Variants in NAA15 observed in about 807,000 individuals in gnomAD.
NAA15 encodes N-alpha-acetyltransferase 15, NatA auxiliary subunit.
Under a neutral mutation model 114.0 loss-of-function variants are expected in NAA15, and 34 were observed. The ratio of observed to expected loss-of-function variants is 0.30; its 90% confidence interval spans 0.23 to 0.40. NAA15 has a LOEUF of 0.40. Ranked by LOEUF, NAA15 falls within the 10% of genes least tolerant of loss-of-function variation. The pLI is 1.00. For missense variants in NAA15, 658 were observed against 1,004.5 expected (o/e 0.66, Z 4.66); for synonymous variants, 340 against 338.0 (o/e 1.01, Z -0.06).
At position 139,341,001 on chromosome 4, in the gene NAA15, G is replaced by A. The variant is rs889543097; in HGVS notation, c.334G>A (p.Asp112Asn). The change falls in exon 4 of 20, where the codon GAC becomes AAC. Residue 112 changes from aspartate (D) to asparagine (N), a missense_variant. Asp to Asn is a conservative substitution (Grantham distance 23). Coordinates refer to ENST00000296543, the MANE Select transcript of NAA15 (RefSeq NM_057175.5). ...CAGAAATGCACTAAAATGGGATAAA[G>A]ACAATCTTCAAATCTTAAGGGACCT... is the stretch of plus-strand genomic sequence containing the variant. ...CYRNALKWDK[D>N]NLQILRDLSL... 6.2e-7 allele frequency: 1 copy of A among 1,610,700 alleles called. No individual in the cohort carries two copies. The highest frequency in any genetic ancestry group is 8.5e-7 in the Non-Finnish European group (1 of 1,178,636).
chr4:139,338,210 G>T (rs1433394045), intron 3 of NAA15, among the ~76,000 whole-genome samples: 41 of 152,084 alleles, frequency 2.7e-4, no homozygotes, highest in Admixed American at 2.7e-3. Flanking sequence ...GGGAGGGAGT[G>T]GAAAGATAGG....
At chr4:139,302,989 T>C (rs1039026455) in intron 1 of NAA15, among the ~76,000 whole-genome samples, 6 of 152,322 alleles carry the variant, frequency 3.9e-5, no homozygotes, top group Admixed American at 1.3e-4. Flanking sequence ...GTTAGCCTTT[T>C]CCCCCGCAGT....
Position 139,384,856 on chromosome 4 carries a change from C to T in NAA15, c.2180C>T (p.Ser727Phe). 2 of 1,476,470 alleles carry T rather than the reference C, an allele frequency of 1.4e-6. No homozygotes were observed. Among genetic ancestry groups the T allele is most frequent in the Non-Finnish European group, 1.8e-6 (2 of 1,099,674 alleles). 91.5% of individuals were successfully genotyped at this position (1,476,470 alleles called of 1,614,324 possible). A position where few individuals can be genotyped will look rare whatever the true frequency, so the allele number is the denominator to read the frequency against. The stretch of plus-strand genomic sequence containing the variant: ...GCAGTGTGTGAAAGTAAAGATTTAT[C>T]TGATACAGTTAGAACAGTATTAAAA... ...NTAVCESKDL[S>F]DTVRTVLKQE... Residue 727 changes from serine to phenylalanine, a missense_variant, in exon 18 of 20, where the codon TCT becomes TTT. Physicochemically the swap from Ser to Phe is radical, Grantham distance 155. Around this residue, in one of 6 missense-constraint regions of NAA15, gnomAD observed 275 missense variants for 371.1 expected, o/e 0.74. Coordinates refer to ENST00000296543, the MANE Select transcript of NAA15 (RefSeq NM_057175.5).
rs974055303 is a variant in NAA15, at chr4:139,388,399, T to G, written c.*315T>G. 1 of 198,934 alleles carries G rather than the reference T, an allele frequency of 5.0e-6. No homozygotes were observed. Among genetic ancestry groups the G allele is most frequent in the Non-Finnish European group, 1.0e-5 (1 of 97,064 alleles). The allele number at this position is 198,934 out of a possible 1,614,324, so 12.3% of individuals were successfully genotyped here. A position where few individuals can be genotyped will look rare whatever the true frequency, so the allele number is the denominator to read the frequency against. Reference sequence around the variant, plus strand: ...TATAAAATCTGGAGGCTGTTACAGCTAACAAAGCAGGTGTGTGGCAGAAAT... The same window carrying G: ...TATAAAATCTGGAGGCTGTTACAGCGAACAAAGCAGGTGTGTGGCAGAAAT... On this transcript the variant is annotated 3_prime_UTR_variant, in exon 20 of 20. Coordinates refer to ENST00000296543, the MANE Select transcript of NAA15 (RefSeq NM_057175.5).
chr4:139,370,427 A>G (rs748572801), intron 15 of NAA15, 23 bp downstream of exon 15: 3 of 1,512,752 alleles, frequency 2.0e-6, no homozygotes, highest in Admixed American at 2.4e-5. Context: ...AGTGTTTAGC[A>G]CAATTGAGTG....
intron 1 of NAA15, among the ~76,000 whole-genome samples, chr4:139,309,215 G>C (rs1275003737): frequency 6.6e-6 from 1 of 151,598 alleles, no homozygotes; most frequent in Non-Finnish European, 1.5e-5. Context: ...GGGCGTGGTT[G>C]CAGGCACCTG....
At position 139,390,625 on chromosome 4, in the gene NAA15, T is replaced by C. The variant is rs1749036018; in HGVS notation, c.*2541T>C. ...TAACATAGGAAAGTAAAGTTCTTTTTGTTTTTCTTTATATTCAGCTACTCT... is the reference window on the plus strand; with the variant it reads ...TAACATAGGAAAGTAAAGTTCTTTTCGTTTTTCTTTATATTCAGCTACTCT... On this transcript the variant is annotated 3_prime_UTR_variant, in exon 20 of 20. Coordinates refer to ENST00000296543, the MANE Select transcript of NAA15 (RefSeq NM_057175.5). 3 of 152,700 alleles carry C rather than the reference T, an allele frequency of 2.0e-5. No homozygotes were observed. 9.5% of individuals were successfully genotyped at this position (152,700 alleles called of 1,614,324 possible).
At chr4:139,365,268 C>T (rs1748246037) in intron 14 of NAA15, among the ~76,000 whole-genome samples, 1 of 152,056 alleles carries the variant, frequency 6.6e-6, no homozygotes, top group Non-Finnish European at 1.5e-5. Context: ...GAACGCCTGA[C>T]CTCAGGTGAT....
Position 139,360,544 on chromosome 4 carries a change from G to A in NAA15, c.1455G>A (p.Met485Ile). 1 of 1,608,966 alleles carries A rather than the reference G, an allele frequency of 6.2e-7. No homozygotes were observed. ...AGAATTTGAATGAAATGCAGTGCAT[G>A]TGGTTCCAAACAGAATGTGCCCAGG... Reference protein sequence around the residue: ...AVENLNEMQCMWFQTECAQAY... With the variant: ...AVENLNEMQCIWFQTECAQAY... The change falls in exon 13 of 20, where the codon ATG (methionine) becomes ATA (isoleucine). Residue 485 changes from methionine to isoleucine, a missense_variant. Around this residue, in one of 6 missense-constraint regions of NAA15, gnomAD observed 281 missense variants for 389.1 expected, o/e 0.72. Coordinates refer to ENST00000296543, the MANE Select transcript of NAA15 (RefSeq NM_057175.5).
At chr4:139,364,801 C>T (rs890868189) in intron 14 of NAA15, among the ~76,000 whole-genome samples, 22 of 152,104 alleles carry the variant, frequency 1.4e-4, no homozygotes, top group African/African-American at 5.3e-4. Flanking sequence ...CAGAAAGTTT[C>T]TGATACTAGG....
chr4:139,345,604 A>G (rs1317697328), intron 6 of NAA15, among the ~76,000 whole-genome samples: 1 of 152,154 alleles, frequency 6.6e-6, no homozygotes, highest in East Asian at 1.9e-4. Context: ...AGGATGGTAA[A>G]AGCCCAAACA....
chr4:139,336,749 C>A, intron 2 of NAA15, 99 bp from the exon 3 acceptor site: 1 of 541,818 alleles, frequency 1.8e-6, no homozygotes, highest in Admixed American at 4.1e-5. Flanking sequence ...ATTCTTAAGG[C>A]AGTGTAGCAT....
intron 1 of NAA15, among the ~76,000 whole-genome samples, chr4:139,327,399 G>A (rs1258757933): frequency 1.3e-5 from 2 of 152,008 alleles, no homozygotes; most frequent in South Asian, 2.1e-4. Context: ...ACAGGCGTGC[G>A]CTGCCACGCC....
intron 17 of NAA15, among the ~76,000 whole-genome samples, chr4:139,379,722 C>CA (rs879428465): frequency 8.6e-5 from 13 of 151,948 alleles, no homozygotes; most frequent in Non-Finnish European, 1.3e-4. Flanking sequence ...TCCCAATCAC[C>CA]AAAAAAATGC....
chr4:139,359,619 T>C (rs1748071570), intron 11 of NAA15, 124 bp from the exon 12 acceptor site: 3 of 836,386 alleles, frequency 3.6e-6, no homozygotes, highest in Non-Finnish European at 5.5e-6. Context: ...TTGATTAGCA[T>C]CTAAGAGTCA....
chr4:139,324,878 A>G (rs995885207), intron 1 of NAA15, among the ~76,000 whole-genome samples: 4 of 152,226 alleles, frequency 2.6e-5, no homozygotes, highest in Admixed American at 1.3e-4. Context: ...GTTCTTGTTG[A>G]GGAGAAATGA....
Position 139,326,721 on chromosome 4 carries a change from C to A in NAA15, c.55-7453C>A, listed in dbSNP as rs946757078. Among the ~76,000 whole-genome samples the A allele has an allele frequency of 2.6e-5, 4 of 152,210 alleles. No individual in the cohort carries two copies. The East Asian group carries it at 5.8e-4, about 22-fold the overall frequency. On this transcript the variant is annotated intron_variant, in intron 1 of 19. Transcript: ENST00000296543. ...AATTCTATACTTTTAACAGATGAGG[C>A]CTAGATTTCCTTTTATATCATATTT...
intron 3 of NAA15, among the ~76,000 whole-genome samples, chr4:139,337,275 A>G (rs908045466): frequency 6.6e-5 from 10 of 152,196 alleles, no homozygotes; most frequent in African/African-American, 2.4e-4. Context: ...CTAATCACCA[A>G]TGTGATAGTG....
chr4:139,387,983 T>G lies in NAA15; in HGVS notation c.2500T>G (p.Tyr834Asp). ...AGCAAATTGTCATAAGCTTTTCCCT[T>G]ATGCTTTGGCTTTCATGCCTCCTGG... The part of the protein sequence containing the change: ...YRANCHKLFP[Y>D]ALAFMPPGYE... The change falls in exon 20 of 20, where the codon TAT (tyrosine) becomes GAT (aspartate). Residue 834 changes from tyrosine to aspartate, a missense_variant. By Grantham distance (160) the Tyr-to-Asp change is radical (BLOSUM62 -3). Around this residue, in one of 6 missense-constraint regions of NAA15, gnomAD observed 275 missense variants for 371.1 expected, o/e 0.74. Transcript: ENST00000296543. The G allele has an allele frequency of 6.2e-7, 1 of 1,614,044 alleles. No individual in the cohort carries two copies. Among genetic ancestry groups the G allele is most frequent in the East Asian group, 2.2e-5 (1 of 44,854 alleles).
Sources: gnomAD v4.1 joint callset for allele counts (sites outside exome capture counted in the v4.1 genomes callset) on GRCh38, gnomAD v4.1.1 for gene constraint, gnomAD v4.1.1 regional missense constraint, MANE v1.5 for transcripts, NCBI Gene and HGNC (gene_info 2026-07-23, HGNC 2026-07-21) for gene names.